Variants in SEMA3A observed in about 807,000 individuals in gnomAD.
The protein encoded by SEMA3A is semaphorin 3A, also known as semaphorin-3A.
A neutral mutation model predicts 97.9 loss-of-function variants in SEMA3A; 29 were observed. The observed-to-expected ratio is 0.30, with a 90% CI of 0.22 to 0.40. The LOEUF (loss-of-function observed/expected upper bound fraction) is 0.40, where lower values mean the gene tolerates loss of function less well. SEMA3A is among the 10% of genes least tolerant of loss of function. The pLI is 1.00. For missense variants in SEMA3A, 763 were observed against 951.3 expected, an observed-to-expected ratio of 0.80 and a Z score of 2.60; for synonymous variants, 321 against 323.7, an observed-to-expected ratio of 0.99 and a Z score of 0.09.
chr7:84,144,194 C>T (rs1796399760), intron 1 of SEMA3A, among the ~76,000 whole-genome samples: 1 of 151,744 alleles, frequency 6.6e-6, no homozygotes, highest in South Asian at 2.1e-4. Context: ...GGTGTGTTCA[C>T]AGAAGAAAAT....
At chr7:84,372,321 A>T (rs1802995578) in intron 1 of SEMA3A, 1 of 152,102 alleles carries the variant, frequency 6.6e-6, no homozygotes, top group Admixed American at 6.6e-5. Flanking sequence ...CGGTTAACTC[A>T]CTGTGAGTGA....
chr7:83,980,714 CAGAT>C (rs959653542), intron 14 of SEMA3A, among the ~76,000 whole-genome samples: 11 of 148,228 alleles, frequency 7.4e-5, no homozygotes, highest in African/African-American at 1.5e-4. Flanking sequence ...TGCATATGCA[CAGAT>C]AGATATTTTA....
intron 1 of SEMA3A, among the ~76,000 whole-genome samples, chr7:84,377,767 A>T (rs979950089): frequency 6.6e-6 from 1 of 152,120 alleles, no homozygotes; most frequent in African/African-American, 2.4e-5. Context: ...CAGAGAAATA[A>T]TTTTTTATAT....
intron 4 of SEMA3A, among the ~76,000 whole-genome samples, chr7:84,088,156 G>A (rs977126735): frequency 6.6e-6 from 1 of 152,108 alleles, no homozygotes; most frequent in Non-Finnish European, 1.5e-5. Context: ...ACAAAAAAGT[G>A]TTTATTGAAA....
intron 3 of SEMA3A, among the ~76,000 whole-genome samples, chr7:84,279,964 C>T (rs1800397664): frequency 6.6e-6 from 1 of 151,764 alleles, no homozygotes; most frequent in South Asian, 2.1e-4. Flanking sequence ...GTGGTGTGAC[C>T]ACATCTCACT....
chr7:84,326,430 TA>T (rs1461992046), intron 2 of SEMA3A, among the ~76,000 whole-genome samples: 1 of 152,116 alleles, frequency 6.6e-6, no homozygotes, highest in African/African-American at 2.4e-5. Flanking sequence ...GATATATAAC[TA>T]AAACCTATGG....
chr7:84,270,291 C>A (rs1010714856), intron 3 of SEMA3A, among the ~76,000 whole-genome samples: 3 of 151,958 alleles, frequency 2.0e-5, no homozygotes, highest in Non-Finnish European at 2.9e-5. Context: ...GTACACACAT[C>A]TGTATAGTTT....
chr7:84,190,346 G>C lies in SEMA3A; in HGVS notation c.112+4129C>G, dbSNP rs553314998. ...TTGAATAGATGAATAAAAAGTTCTA[G>C]TTTTCAGTGTGTTTAAATTCAAGAT... On this transcript the variant is annotated intron_variant, in intron 1 of 16. Coordinates refer to ENST00000265362, the MANE Select transcript of SEMA3A (RefSeq NM_006080.3). 2.6e-4 allele frequency among the ~76,000 whole-genome samples: 39 copies of C among 151,720 alleles called. 2 individuals are homozygous for C. In the South Asian group the frequency reaches 6.8e-3, roughly 27 times the overall value.
chr7:84,262,223 T>C (rs1166591157), intron 3 of SEMA3A, among the ~76,000 whole-genome samples: 2 of 152,184 alleles, frequency 1.3e-5, no homozygotes, highest in Non-Finnish European at 2.9e-5. Flanking sequence ...TTTTTTGTTT[T>C]TTGTTTTTGA....
At chr7:84,249,924 G>T (rs1036810014) in intron 3 of SEMA3A, among the ~76,000 whole-genome samples, 2 of 144,866 alleles carry the variant, frequency 1.4e-5, no homozygotes, top group African/African-American at 5.0e-5. Flanking sequence ...GGAAGCAGTT[G>T]CATCCTGTTT....
chr7:84,153,301 A>G (rs1010430961), intron 1 of SEMA3A, among the ~76,000 whole-genome samples: 3 of 152,206 alleles, frequency 2.0e-5, no homozygotes, highest in African/African-American at 7.2e-5. Flanking sequence ...GAGGCCTGTC[A>G]TCCACATACA....
intron 2 of SEMA3A, among the ~76,000 whole-genome samples, chr7:84,351,574 T>C (rs1463800605): frequency 6.6e-6 from 1 of 152,060 alleles, no homozygotes; most frequent in African/African-American, 2.4e-5. Context: ...TGAATAGATA[T>C]TTTTCAAAAG....
chr7:84,204,933 T>C (rs1798451158), intron 3 of SEMA3A, among the ~76,000 whole-genome samples: 1 of 152,180 alleles, frequency 6.6e-6, no homozygotes, highest in African/African-American at 2.4e-5. Context: ...GCATTTGAGA[T>C]CCTCCATCTT....
intron 2 of SEMA3A, among the ~76,000 whole-genome samples, chr7:84,312,249 T>C (rs1801342920): frequency 6.6e-6 from 1 of 151,934 alleles, no homozygotes; most frequent in South Asian, 2.1e-4. Flanking sequence ...TTAACATATG[T>C]GTCCTTCATT....
intron 2 of SEMA3A, among the ~76,000 whole-genome samples, chr7:84,355,177 C>G (rs892350238): frequency 9.2e-5 from 14 of 151,810 alleles, no homozygotes; most frequent in Admixed American, 2.6e-4. Context: ...TTAACAAAAA[C>G]AAAGCTGCTT....
chr7:84,108,508 G>A (rs1031486839), intron 4 of SEMA3A, among the ~76,000 whole-genome samples: 2 of 152,260 alleles, frequency 1.3e-5, no homozygotes, highest in East Asian at 1.9e-4. Context: ...TCTGAGAGAC[G>A]TTAAATAATA....
intron 2 of SEMA3A, among the ~76,000 whole-genome samples, chr7:84,315,102 G>C (rs1242923626): frequency 6.6e-6 from 1 of 151,966 alleles, no homozygotes; most frequent in African/African-American, 2.4e-5. Context: ...TTCCAGAAGG[G>C]TAATTAACCT....
intron 5 of SEMA3A, among the ~76,000 whole-genome samples, chr7:84,054,452 T>C (rs1021983878): frequency 6.6e-6 from 1 of 152,196 alleles, no homozygotes; most frequent in African/African-American, 2.4e-5. Context: ...TCTCGCTTCA[T>C]TTCATCTTCC....
At chr7:84,437,584 A>G (rs1805169535) in intron 1 of SEMA3A, among the ~76,000 whole-genome samples, 1 of 150,542 alleles carries the variant, frequency 6.6e-6, no homozygotes, top group African/African-American at 2.4e-5. Flanking sequence ...TTTTTTAAGT[A>G]AAAGAGGAAA....
Sources: gnomAD v4.1 joint callset for allele counts (sites outside exome capture counted in the v4.1 genomes callset) on GRCh38, gnomAD v4.1.1 for gene constraint, MANE v1.5 for transcripts, NCBI Gene and HGNC (gene_info 2026-07-23, HGNC 2026-07-21) for gene names.